The following SPIN1 variants were observed in gnomAD, a reference collection of about 807,000 sequenced individuals.
The protein encoded by SPIN1 is spindlin 1.
In SPIN1, 3 loss-of-function variants were observed where a neutral mutation model predicts 26.0. The ratio of observed to expected loss-of-function variants is 0.12; its 90% CI spans 0.05 to 0.30. The LOEUF is 0.30. SPIN1 is among the 10% of genes least tolerant of loss of function. The pLI is 1.00. For missense variants in SPIN1, 126 were observed against 333.4 expected, an observed-to-expected ratio of 0.38 and a Z score of 4.84; for synonymous variants, 101 against 116.5, an observed-to-expected ratio of 0.87 and a Z score of 0.86.
intron 2 of SPIN1, among the ~76,000 whole-genome samples, chr9:88,447,141 G>A (rs994465322): frequency 2.0e-5 from 3 of 152,064 alleles, no homozygotes; most frequent in Non-Finnish European, 4.4e-5. Context: ...TGAGTAGTTT[G>A]TATTGCTGTG....
chr9:88,406,975 T>C (rs937675743), intron 1 of SPIN1, among the ~76,000 whole-genome samples: 3 of 152,048 alleles, frequency 2.0e-5, no homozygotes, highest in Non-Finnish European at 2.9e-5. Flanking sequence ...CCATTTAGAT[T>C]TACCCACAAA....
chr9:88,389,130 C>G (rs1279504762), intron 1 of SPIN1, among the ~76,000 whole-genome samples: 6 of 152,150 alleles, frequency 3.9e-5, no homozygotes, highest in Non-Finnish European at 7.4e-5. Context: ...TTGCAGGCTC[C>G]GCGGTTCGCG....
At chr9:88,400,261 A>G (rs1827158716) in intron 1 of SPIN1, among the ~76,000 whole-genome samples, 1 of 152,188 alleles carries the variant, frequency 6.6e-6, no homozygotes, top group Non-Finnish European at 1.5e-5. Flanking sequence ...AAAAGATTGT[A>G]TAGTTTTGCC....
At chr9:88,409,846 A>AT (rs1466450020) in intron 1 of SPIN1, among the ~76,000 whole-genome samples, 1 of 152,014 alleles carries the variant, frequency 6.6e-6, no homozygotes, top group Non-Finnish European at 1.5e-5. Context: ...TCAAAAAAAA[A>AT]AAAAAAGAAA....
intron 3 of SPIN1, among the ~76,000 whole-genome samples, chr9:88,461,868 A>G (rs1828583954): frequency 6.6e-6 from 1 of 152,244 alleles, no homozygotes; most frequent in African/African-American, 2.4e-5. Flanking sequence ...TTTTAATATT[A>G]CATTGTTATA....
chr9:88,415,407 T>G (rs1440743049), intron 1 of SPIN1, among the ~76,000 whole-genome samples: 1 of 152,050 alleles, frequency 6.6e-6, no homozygotes, highest in East Asian at 1.9e-4. Context: ...TAGAACATTG[T>G]CCTTAAGTTC....
chr9:88,445,681 C>T (rs1176518012), intron 2 of SPIN1, among the ~76,000 whole-genome samples: 2 of 151,452 alleles, frequency 1.3e-5, no homozygotes, highest in Non-Finnish European at 2.9e-5. Context: ...CAGACGCCCA[C>T]CACTATGCCC....
chr9:88,437,958 C>T (rs1828041111), intron 2 of SPIN1, among the ~76,000 whole-genome samples: 2 of 152,074 alleles, frequency 1.3e-5, no homozygotes, highest in African/African-American at 2.4e-5. Context: ...TCAAGACCAG[C>T]CTGGCCAACA....
chr9:88,435,020 C>T (rs1222943968), intron 2 of SPIN1, among the ~76,000 whole-genome samples: 1 of 150,830 alleles, frequency 6.6e-6, no homozygotes, highest in South Asian at 2.1e-4. Flanking sequence ...CCACTGCACC[C>T]CAGCCTGGCT....
intron 3 of SPIN1, 121 bp downstream of exon 3, chr9:88,449,110 G>A: frequency 1.2e-6 from 1 of 860,202 alleles, no homozygotes; most frequent in South Asian, 1.5e-5. Flanking sequence ...CATAGGAGAT[G>A]TAGTGTGCGA....
chr9:88,439,001 A>G (rs886516234), intron 2 of SPIN1, among the ~76,000 whole-genome samples: 2 of 152,106 alleles, frequency 1.3e-5, no homozygotes, highest in Admixed American at 6.5e-5. Context: ...CATCCAGTAG[A>G]ATGCTTGCTC....
At chr9:88,441,169 A>G (rs1291715893) in intron 2 of SPIN1, among the ~76,000 whole-genome samples, 1 of 151,894 alleles carries the variant, frequency 6.6e-6, no homozygotes, top group East Asian at 1.9e-4. Context: ...ACAATGATTT[A>G]CATAACTTTT....
intron 5 of SPIN1, among the ~76,000 whole-genome samples, chr9:88,471,957 T>C (rs1057283218): frequency 6.6e-6 from 1 of 151,752 alleles, no homozygotes; most frequent in Non-Finnish European, 1.5e-5. Flanking sequence ...CGCCACCACA[T>C]TGGGCTAACT....
chr9:88,467,857 AC>A lies in SPIN1; in HGVS notation c.356-514del, dbSNP rs775590929. ...ACACCAATTTCTTTAAAAAAAAAAA[AC>A]AAAAAAAAAACCCTCTGTGCCTTGA... On this transcript the variant is annotated intron_variant, in intron 4 of 5. Transcript: ENST00000375859. Among the ~76,000 whole-genome samples, 429 of 122,972 alleles carry A rather than the reference AC, an allele frequency of 3.5e-3. 3 individuals carry two copies. The highest frequency in any genetic ancestry group is 0.029 in the South Asian group (91 of 3,142). The allele number at this position is 122,972 out of a possible 152,430, so 80.7% of individuals were successfully genotyped here.
chr9:88,454,867 C>T (rs1297550935), intron 3 of SPIN1, among the ~76,000 whole-genome samples: 2 of 152,176 alleles, frequency 1.3e-5, no homozygotes, highest in African/African-American at 4.8e-5. Flanking sequence ...GAAAGCTGGA[C>T]TCATGATTTT....
intron 1 of SPIN1, among the ~76,000 whole-genome samples, chr9:88,393,204 A>G (rs756884079): frequency 1.2e-4 from 18 of 151,240 alleles, no homozygotes; most frequent in African/African-American, 3.9e-4. Flanking sequence ...TTTTATCCAA[A>G]TGGTGAGAGA....
chr9:88,452,821 T>A (rs1828389538), intron 3 of SPIN1, among the ~76,000 whole-genome samples: 1 of 152,220 alleles, frequency 6.6e-6, no homozygotes, highest in African/African-American at 2.4e-5. Flanking sequence ...ACAGTTATTT[T>A]GATTTAACCA....
intron 5 of SPIN1, among the ~76,000 whole-genome samples, chr9:88,473,240 A>C (rs1486209504): frequency 6.6e-6 from 1 of 152,154 alleles, no homozygotes; most frequent in Non-Finnish European, 1.5e-5. Flanking sequence ...TAAAAATAAA[A>C]AAATTAGCCA....
intron 2 of SPIN1, among the ~76,000 whole-genome samples, chr9:88,441,400 T>C (rs115778065): frequency 1.6e-5 from 2 of 128,022 alleles, no homozygotes; most frequent in African/African-American, 9.6e-5. Flanking sequence ...CTGCCATTCG[T>C]GTGTGTGTGT....
Sources: gnomAD v4.1 joint callset for allele counts (sites outside exome capture counted in the v4.1 genomes callset) on GRCh38, gnomAD v4.1.1 for gene constraint, MANE v1.5 for transcripts, NCBI Gene and HGNC (gene_info 2026-07-23, HGNC 2026-07-21) for gene names.